The following SPTAN1 variants were observed in gnomAD, a reference collection of about 807,000 sequenced individuals.
SPTAN1 encodes the protein spectrin alpha chain, non-erythrocytic 1.
SPTAN1 carries 61 observed loss-of-function variants against 331.3 expected under a neutral mutation model. The observed-to-expected ratio is 0.18, with a 90% CI of 0.15 to 0.23. SPTAN1 has a LOEUF of 0.23. Among genes scored for constraint, SPTAN1 ranks in the 10% least tolerant of loss-of-function variants. SPTAN1 has a pLI of 1.00. For missense variants in SPTAN1, 2,043 were observed against 3,147.9 expected, an observed-to-expected ratio of 0.65 and a Z score of 8.40; for synonymous variants, 1,153 against 1,173.9, an observed-to-expected ratio of 0.98 and a Z score of 0.36.
chr9:128,603,704 A>T, intron 28 of SPTAN1, 114 bp downstream of exon 28: 1 of 1,286,038 alleles, frequency 7.8e-7, no homozygotes, highest in South Asian at 1.2e-5. Context: ...GACATATCTC[A>T]CTCTATTGGG....
At chr9:128,628,973 G>A in intron 51 of SPTAN1, 1 of 393,814 alleles carries the variant, frequency 2.5e-6, no homozygotes, top group Non-Finnish European at 4.5e-6. Context: ...TGCCTGGGGT[G>A]AACCACTGGG....
chr9:128,565,899 G>A (rs776993477), intron 1 of SPTAN1, among the ~76,000 whole-genome samples: 1 of 152,160 alleles, frequency 6.6e-6, no homozygotes, highest in African/African-American at 2.4e-5. Context: ...TTGAGAGCAC[G>A]TCGTTTTTCC....
chr9:128,599,178 A>C, intron 26 of SPTAN1, 192 bp downstream of exon 26: 1 of 650,434 alleles, frequency 1.5e-6, no homozygotes, highest in Non-Finnish European at 2.8e-6. Flanking sequence ...TCTGTCAACC[A>C]GGCTGGAGTG....
intron 52 of SPTAN1, 194 bp downstream of exon 52, chr9:128,630,569 G>A (rs947124871): frequency 1.9e-5 from 11 of 584,506 alleles, no homozygotes; most frequent in East Asian, 1.2e-4. Context: ...TCTCTCTCTC[G>A]CCCAGGCTGG....
chr9:128,573,904 G>A (rs887957186), intron 3 of SPTAN1, among the ~76,000 whole-genome samples: 1 of 151,992 alleles, frequency 6.6e-6, no homozygotes, highest in African/African-American at 2.4e-5. Context: ...ACAGGTGTGC[G>A]CCCCCATACC....
chr9:128,614,458 A>T (rs1003157740), intron 40 of SPTAN1, among the ~76,000 whole-genome samples: 1 of 151,896 alleles, frequency 6.6e-6, no homozygotes, highest in Non-Finnish European at 1.5e-5. Flanking sequence ...AGGGCGTGGC[A>T]TGTGCCTATA....
At position 128,618,045 on chromosome 9, in the gene SPTAN1, T is replaced by C. The variant is rs1434400023; in HGVS notation, c.5537T>C (p.Ile1846Thr). The C allele has an allele frequency of 6.2e-7, 1 of 1,614,072 alleles. No individual in the cohort carries two copies. Among genetic ancestry groups the C allele is most frequent in the Non-Finnish European group, 8.5e-7 (1 of 1,180,022 alleles). Residue 1846 changes from isoleucine to threonine, a missense_variant, in exon 43 of 57, where the codon ATC (isoleucine) becomes ACC (threonine). Ile to Thr is a moderately conservative substitution (Grantham distance 89). Transcript: ENST00000372739. ...GACAACACCATCGGGAAAGAGGAGA[T>C]CCAGCAGCGGCTGGCGCAGTTTGTG... ...SDDNTIGKEE[I>T]QQRLAQFVEH... is the part of the protein sequence containing the mutation.
At chr9:128,580,710 G>T (rs2131083134) in intron 10 of SPTAN1, among the ~76,000 whole-genome samples, 1 of 152,146 alleles carries the variant, frequency 6.6e-6, no homozygotes. Flanking sequence ...TGATCATTTG[G>T]CAATAAATTA....
intron 37 of SPTAN1, among the ~76,000 whole-genome samples, chr9:128,610,460 T>C (rs1261066676): frequency 6.6e-6 from 1 of 152,156 alleles, no homozygotes; most frequent in Admixed American, 6.5e-5. Flanking sequence ...CATTTCATGT[T>C]AGTGCTGAAT....
rs755742062 is a variant in SPTAN1, at chr9:128,574,819, C to T, written c.504+4C>T. The T allele has an allele frequency of 5.6e-6, 9 of 1,613,840 alleles. No homozygotes were observed. The Admixed American group carries it at 6.7e-5, about 12-fold the overall frequency. ...GATGGACTGGATCAATGACAAGGCACGTTTTGGGAAGAAGGGTTTGCTAAG... is the reference window on the plus strand; with the variant it reads ...GATGGACTGGATCAATGACAAGGCATGTTTTGGGAAGAAGGGTTTGCTAAG... On this transcript the variant is annotated splice_donor_region_variant and intron_variant, in intron 4 of 56. Transcript: ENST00000372739.
At chr9:128,563,557 A>G (rs1240343826) in intron 1 of SPTAN1, among the ~76,000 whole-genome samples, 1 of 152,174 alleles carries the variant, frequency 6.6e-6, no homozygotes, top group Non-Finnish European at 1.5e-5. Context: ...CATTCTTGTC[A>G]TCAGTCTAGC....
At chr9:128,630,493 C>T (rs1259130867) in intron 52 of SPTAN1, 118 bp downstream of exon 52, 7 of 1,002,880 alleles carry the variant, frequency 7.0e-6, no homozygotes, top group Non-Finnish European at 1.1e-5. Context: ...GTACCCTTTT[C>T]CCTTGGCCTA....
intron 40 of SPTAN1, 50 bp from the exon 41 acceptor site, chr9:128,615,582 G>T (rs138303805): frequency 6.9e-6 from 11 of 1,598,162 alleles, no homozygotes; most frequent in Non-Finnish European, 8.6e-6. Context: ...TGTTCAAGCA[G>T]ATAGCTGTGG....
intron 3 of SPTAN1, 105 bp downstream of exon 3, chr9:128,569,002 C>T: frequency 6.6e-7 from 1 of 1,505,470 alleles, no homozygotes; most frequent in Non-Finnish European, 9.2e-7. Flanking sequence ...ACTTTTCCAG[C>T]TTTTAAAAGA....
At chr9:128,593,217 T>A in intron 23 of SPTAN1, 175 bp downstream of exon 23, 1 of 712,150 alleles carries the variant, frequency 1.4e-6, no homozygotes, top group Non-Finnish European at 2.5e-6. Context: ...TGCAGCTGTG[T>A]CGGTCGATGA....
At chr9:128,581,161 T>G in intron 11 of SPTAN1, 102 bp downstream of exon 11, 1 of 1,493,090 alleles carries the variant, frequency 6.7e-7, no homozygotes, top group Non-Finnish European at 9.2e-7. Context: ...CAGTACCATG[T>G]TAGTTCTGAA....
intron 27 of SPTAN1, among the ~76,000 whole-genome samples, chr9:128,601,570 AAAAT>A (rs1469381985): frequency 2.7e-5 from 4 of 145,792 alleles, no homozygotes; most frequent in African/African-American, 1.0e-4. Flanking sequence ...AATAAAAATA[AAAAT>A]GTTTTAAAAA....
intron 44 of SPTAN1, among the ~76,000 whole-genome samples, chr9:128,620,529 C>T (rs1857710982): frequency 6.6e-6 from 1 of 152,076 alleles, no homozygotes; most frequent in South Asian, 2.1e-4. Context: ...CCAACCTGGC[C>T]AACATGGTGA....
chr9:128,592,700 C>T (rs1169083602), intron 22 of SPTAN1, among the ~76,000 whole-genome samples: 1 of 152,220 alleles, frequency 6.6e-6, no homozygotes, highest in Non-Finnish European at 1.5e-5. Flanking sequence ...GTTCCCTGAC[C>T]TTGCTCTGTG....
Sources: allele counts gnomAD v4.1 joint callset (sites outside exome capture counted in the v4.1 genomes callset), GRCh38; gene constraint gnomAD v4.1.1; transcripts MANE v1.5; gene names NCBI Gene and HGNC (gene_info 2026-07-23, HGNC 2026-07-21).